The following NCOR1 variants were observed in gnomAD, a reference collection of about 807,000 sequenced individuals.
The protein encoded by NCOR1 is protein phosphatase 1, regulatory subunit 109.
NCOR1 carries 63 observed loss-of-function variants against 288.1 expected under a neutral mutation model. The observed-to-expected ratio is 0.22, with a 90% CI of 0.18 to 0.27. NCOR1 has a LOEUF of 0.27. NCOR1 is among the 10% of genes least tolerant of loss of function. The pLI, the probability that NCOR1 is intolerant of heterozygous loss-of-function variation, is 1.00. For missense variants in NCOR1, 2,397 were observed against 3,019.2 expected (o/e 0.79, Z 4.83); for synonymous variants, 1,007 against 1,065.9 (o/e 0.94, Z 1.08).
chr17:16,053,303 A>G (rs887516439), intron 40 of NCOR1, among the ~76,000 whole-genome samples: 9 of 152,210 alleles, frequency 5.9e-5, no homozygotes, highest in African/African-American at 1.9e-4. Flanking sequence ...CCATAGTCTC[A>G]GCCCCAAAGG....
chr17:16,069,371 C>A (rs2061485232), intron 31 of NCOR1, among the ~76,000 whole-genome samples: 5 of 152,192 alleles, frequency 3.3e-5, no homozygotes. Context: ...CTGTGCTACG[C>A]CCCTCACACC....
At chr17:16,067,850 G>A (rs1409444541) in intron 32 of NCOR1, 44 bp downstream of exon 32, 2 of 1,523,604 alleles carry the variant, frequency 1.3e-6, no homozygotes, top group Admixed American at 3.7e-5. Context: ...TCATACTGGT[G>A]GCATATTTAT....
chr17:16,097,759 G>A (rs377191805), intron 21 of NCOR1, among the ~76,000 whole-genome samples: 5 of 152,302 alleles, frequency 3.3e-5, no homozygotes, highest in Non-Finnish European at 1.5e-5. Context: ...GGAACCTGAC[G>A]AGGAGAGTCG....
intron 5 of NCOR1, among the ~76,000 whole-genome samples, chr17:16,159,413 CAAAAAAAAAAA>C (rs35243097): frequency 1.5e-5 from 1 of 66,296 alleles, no homozygotes; most frequent in Non-Finnish European, 2.8e-5. Context: ...AACTCTATCT[CAAAAAAAAAAA>C]AAAAAAAAAA....
intron 5 of NCOR1, among the ~76,000 whole-genome samples, chr17:16,160,559 A>G (rs2080624542): frequency 6.6e-6 from 1 of 152,236 alleles, no homozygotes; most frequent in Non-Finnish European, 1.5e-5. Flanking sequence ...TGGGAGGCCA[A>G]GACGGTAGAT....
intron 38 of NCOR1, 182 bp from the exon 39 acceptor site, chr17:16,058,246 A>C: frequency 1.2e-6 from 1 of 863,506 alleles, no homozygotes. Context: ...GGACTAGTGG[A>C]ACAAAATATA....
intron 1 of NCOR1, among the ~76,000 whole-genome samples, chr17:16,213,093 A>T (rs944413212): frequency 1.3e-5 from 2 of 152,018 alleles, no homozygotes; most frequent in African/African-American, 4.8e-5. Context: ...AAAGTTATTA[A>T]CTAATCTAAT....
chr17:16,053,195 G>C lies in NCOR1; in HGVS notation c.6393-4207C>G, dbSNP rs551700052. ...ACATCCTATTGGAAGTCTTGACCAG[G>C]GTGATCAGGCAAGGGAACGAAAGAA... On this transcript the variant is annotated intron_variant, in intron 40 of 45. Transcript: ENST00000268712. 2.8e-4 allele frequency among the ~76,000 whole-genome samples: 43 copies of C among 152,242 alleles called. No individual in the cohort carries two copies. The South Asian group carries it at 8.9e-3, about 32-fold the overall frequency.
chr17:16,110,934 A>C (rs372940581), intron 18 of NCOR1, among the ~76,000 whole-genome samples: 30 of 152,324 alleles, frequency 2.0e-4, no homozygotes, highest in East Asian at 1.9e-3. Flanking sequence ...CTTTCAGAAG[A>C]TTCTGTAAAT....
rs2061738950 is a variant in NCOR1 at position 16,071,322 on chromosome 17, T to A, written c.4152+87A>T. On this transcript the variant is annotated intron_variant, in intron 30 of 45. Transcript: ENST00000268712. ...TTTACTTCCAGGAGGTCTGACATCA[T>A]AAGAACCACTTATAATTATTAAGTC... is the stretch of plus-strand genomic sequence containing the variant. 13 of 1,510,612 alleles carry A rather than the reference T, an allele frequency of 8.6e-6. 1 individual carries two copies. The highest frequency in any genetic ancestry group is 9.8e-6 in the Non-Finnish European group (11 of 1,124,352). 93.6% of individuals were successfully genotyped at this position (1,510,612 alleles called of 1,614,324 possible). A position where few individuals can be genotyped will look rare whatever the true frequency, so the allele number is the denominator to read the frequency against.
chr17:16,180,755 A>T (rs2085232911), intron 3 of NCOR1, among the ~76,000 whole-genome samples: 2 of 152,110 alleles, frequency 1.3e-5, no homozygotes, highest in Admixed American at 1.3e-4. Context: ...CTCAAAAAAA[A>T]AGAATAAAAC....
Position 16,086,332 on chromosome 17 carries a change from T to C in NCOR1, c.3127A>G (p.Thr1043Ala). Residue 1043 changes from threonine (T) to alanine (A), a missense_variant, in exon 23 of 46, where the codon ACA (threonine) becomes GCA (alanine). Coordinates refer to ENST00000268712, the MANE Select transcript of NCOR1 (RefSeq NM_006311.4). ...AAAGATGGTTTTTCTGAAGCCACTG[T>C]GGTTTTGGATGACGGGATGAGAGGG... is the stretch of plus-strand genomic sequence containing the variant. ...PPPLIPSSKT[T>A]VASEKPSFIM... 4 of 1,614,160 alleles carry C rather than the reference T, an allele frequency of 2.5e-6. No homozygotes were observed. Among genetic ancestry groups the C allele is most frequent in the Non-Finnish European group, 3.4e-6 (4 of 1,180,000 alleles).
intron 35 of NCOR1, among the ~76,000 whole-genome samples, 193 bp downstream of exon 35, chr17:16,063,875 T>C (rs1458033142): frequency 6.6e-6 from 1 of 152,176 alleles, no homozygotes; most frequent in Non-Finnish European, 1.5e-5. Flanking sequence ...ATGAAAACAT[T>C]TTTCCGTGTA....
intron 28 of NCOR1, 42 bp from the exon 29 acceptor site, chr17:16,072,270 A>T: frequency 6.9e-7 from 1 of 1,450,714 alleles, no homozygotes; most frequent in Non-Finnish European, 9.6e-7. Flanking sequence ...AACATAATGT[A>T]TATGTCAACT....
Position 16,146,475 on chromosome 17 carries a change from T to C in NCOR1, c.983A>G (p.Asn328Ser). 6.2e-7 allele frequency: 1 copy of C among 1,613,808 alleles called. No individual in the cohort carries two copies. The highest frequency in any genetic ancestry group is 8.5e-7 in the Non-Finnish European group (1 of 1,179,874). The change falls in exon 10 of 46, where the codon AAT (asparagine) becomes AGT (serine). Residue 328 changes from asparagine (N) to serine (S), a missense_variant. Asn to Ser is a conservative substitution (Grantham distance 46, BLOSUM62 1). Transcript: ENST00000268712. ...GCTTTCTTTAGCTTTCCTCCGAGGA[T>C]TATTTTCTATTCTGTCCACTTTTTT... ...WEKKVDRIEN[N>S]PRRKAKESKT... is the part of the protein sequence containing the mutation.
intron 42 of NCOR1, among the ~76,000 whole-genome samples, chr17:16,041,912 A>G (rs529500411): frequency 1.5e-3 from 225 of 151,786 alleles, no homozygotes; most frequent in Non-Finnish European, 2.3e-3. Flanking sequence ...AATTTTTTAC[A>G]TTTTTAGTAG....
At chr17:16,193,208 T>C (rs553932250) in intron 2 of NCOR1, among the ~76,000 whole-genome samples, 2 of 152,242 alleles carry the variant, frequency 1.3e-5, no homozygotes, top group South Asian at 4.2e-4. Context: ...TATATGTGTA[T>C]ATATATAAAC....
intron 1 of NCOR1, among the ~76,000 whole-genome samples, chr17:16,196,621 C>G (rs1022204111): frequency 6.6e-5 from 10 of 151,702 alleles, no homozygotes; most frequent in Non-Finnish European, 1.3e-4. Context: ...GTCAGGAGAT[C>G]GAGACCATCC....
Position 16,120,578 on chromosome 17 carries a change from G to A in NCOR1, c.1852+474C>T, listed in dbSNP as rs1215119359. Among the ~76,000 whole-genome samples, 8 of 152,178 alleles carry A rather than the reference G, an allele frequency of 5.3e-5. No individual in the cohort carries two copies. In the East Asian group the frequency reaches 1.5e-3, roughly 29 times the overall value. On this transcript the variant is annotated intron_variant, in intron 16 of 45. Coordinates refer to ENST00000268712, the MANE Select transcript of NCOR1 (RefSeq NM_006311.4). ...AATACTTAATGAGAGAGAGAAAGAT[G>A]CTTTGACTATTAGATCCAGTATTCC... is the stretch of plus-strand genomic sequence containing the variant.
Sources: allele counts gnomAD v4.1 joint callset (sites outside exome capture counted in the v4.1 genomes callset), GRCh38; gene constraint gnomAD v4.1.1; transcripts MANE v1.5; gene names NCBI Gene and HGNC (gene_info 2026-07-23, HGNC 2026-07-21).